NTRK3: variants seen among roughly 807,000 people sequenced by gnomAD.
The protein encoded by NTRK3 is neurotrophic receptor tyrosine kinase 3, also known as NT-3 growth factor receptor.
Under a neutral mutation model 91.7 loss-of-function variants are expected in NTRK3, and 24 were observed. The observed-to-expected ratio is 0.26, with a 90% CI of 0.19 to 0.37. The LOEUF is 0.37. NTRK3 is among the 10% of genes least tolerant of loss of function. The probability of loss-of-function intolerance (pLI) is 1.00; values close to 1 mark genes in which losing one functional copy is unlikely to be tolerated. For synonymous variants in NTRK3, 483 were observed against 404.0 expected, an observed-to-expected ratio of 1.20 and a Z score of -2.34; for missense variants, 880 against 1,068.9, an observed-to-expected ratio of 0.82 and a Z score of 2.46.
intron 3 of NTRK3, among the ~76,000 whole-genome samples, chr15:88,216,693 G>A (rs543078174): frequency 6.6e-6 from 1 of 152,306 alleles, no homozygotes; most frequent in East Asian, 1.9e-4. Flanking sequence ...GGTCAAGATG[G>A]TGATGGTGAC....
chr15:88,162,395 A>T (rs2151440679), intron 5 of NTRK3, among the ~76,000 whole-genome samples: 1 of 152,276 alleles, frequency 6.6e-6, no homozygotes, highest in African/African-American at 2.4e-5. Context: ...GCCAGTAAGG[A>T]CTCACAAAGG....
At chr15:87,925,725 C>A (rs2068250639) in intron 17 of NTRK3, 1 of 182,316 alleles carries the variant, frequency 5.5e-6, no homozygotes, top group South Asian at 2.0e-4. Flanking sequence ...GATTCATGAG[C>A]AGTATTTCCA....
intron 3 of NTRK3, among the ~76,000 whole-genome samples, chr15:88,223,125 AT>A (rs2050379230): frequency 6.6e-6 from 1 of 151,936 alleles, no homozygotes; most frequent in Admixed American, 6.6e-5. Context: ...GGCGGGTGGG[AT>A]TGGGCAGAAG....
At chr15:88,249,910 C>T (rs1339107486) in intron 3 of NTRK3, among the ~76,000 whole-genome samples, 2 of 152,162 alleles carry the variant, frequency 1.3e-5, no homozygotes, top group African/African-American at 2.4e-5. Flanking sequence ...AGTTGCTGAA[C>T]ACTCAGCCGC....
At chr15:87,951,367 T>C (rs1218161850) in intron 14 of NTRK3, among the ~76,000 whole-genome samples, 1 of 152,240 alleles carries the variant, frequency 6.6e-6, no homozygotes, top group African/African-American at 2.4e-5. Flanking sequence ...ACAACCTTGC[T>C]GCCTGACTAG....
chr15:88,027,468 C>T (rs1204895530), intron 14 of NTRK3, among the ~76,000 whole-genome samples: 14 of 152,144 alleles, frequency 9.2e-5, no homozygotes, highest in East Asian at 1.9e-4. Flanking sequence ...CTGCAAGCTC[C>T]GCCTCTCGGG....
At chr15:88,136,032 C>G in exon 9 of NTRK3, 1 of 1,614,228 alleles carries the variant, frequency 6.2e-7, no homozygotes, top group Non-Finnish European at 8.5e-7. Flanking sequence ...TGGTCCAGTT[C>G]AGATTGGTCT....
chr15:88,057,359 G>A (rs940264184), intron 13 of NTRK3, among the ~76,000 whole-genome samples: 2 of 151,310 alleles, frequency 1.3e-5, no homozygotes, highest in East Asian at 2.0e-4. Flanking sequence ...TTAGCCGGGC[G>A]TGGTGGCAGG....
At chr15:88,117,918 T>C (rs1409989601) in intron 13 of NTRK3, among the ~76,000 whole-genome samples, 1 of 152,200 alleles carries the variant, frequency 6.6e-6, no homozygotes, top group Non-Finnish European at 1.5e-5. Flanking sequence ...CAGACACACC[T>C]GCTTGCTGGA....
intron 3 of NTRK3, among the ~76,000 whole-genome samples, chr15:88,239,789 T>C (rs2052145868): frequency 6.6e-6 from 1 of 152,110 alleles, no homozygotes; most frequent in Non-Finnish European, 1.5e-5. Flanking sequence ...AAAAATGTTA[T>C]GCAGAATACC....
At chr15:88,000,480 A>T (rs1168950984) in intron 14 of NTRK3, among the ~76,000 whole-genome samples, 1 of 152,146 alleles carries the variant, frequency 6.6e-6, no homozygotes, top group African/African-American at 2.4e-5. Context: ...CATACACATG[A>T]ATAAACCATA....
At chr15:88,010,485 C>CT (rs1285371659) in intron 14 of NTRK3, among the ~76,000 whole-genome samples, 1 of 151,774 alleles carries the variant, frequency 6.6e-6, no homozygotes, top group Non-Finnish European at 1.5e-5. Flanking sequence ...TTTTTCCAAG[C>CT]TTTTTAGTAA....
At chr15:88,073,494 G>A (rs1394791306) in intron 13 of NTRK3, among the ~76,000 whole-genome samples, 2 of 152,144 alleles carry the variant, frequency 1.3e-5, no homozygotes, top group South Asian at 4.2e-4. Context: ...TCATAAGCAT[G>A]CTCAAGCTGG....
intron 14 of NTRK3, among the ~76,000 whole-genome samples, chr15:88,002,380 C>T (rs1263163863): frequency 2.0e-5 from 3 of 151,902 alleles, no homozygotes; most frequent in Admixed American, 6.6e-5. Flanking sequence ...TGACCCTGCC[C>T]TCAAGGAAAT....
intron 14 of NTRK3, among the ~76,000 whole-genome samples, chr15:87,998,503 C>T (rs2075867395): frequency 6.6e-6 from 1 of 152,224 alleles, no homozygotes; most frequent in Admixed American, 6.5e-5. Flanking sequence ...TCTGGAAGTC[C>T]TGGGAGCTCT....
At position 88,098,966 on chromosome 15, in the gene NTRK3, A is replaced by C. The variant is rs114947722; in HGVS notation, c.1396+27305T>G. ...GTTTTTAATTTGTGGCACCCTCTTA[A>C]ATTTTTTGCCCAAAGCGAAGGGCTC... On this transcript the variant is annotated intron_variant, in intron 13 of 18. Coordinates refer to ENST00000394480, the Ensembl canonical transcript of NTRK3. 6.0e-3 allele frequency: 1,395 copies of C among 232,462 alleles called. 14 individuals are homozygous for C. Among genetic ancestry groups the C allele is most frequent in the African/African-American group, 0.029 (1,300 of 45,422 alleles). 14.4% of individuals were successfully genotyped at this position (232,462 alleles called of 1,614,324 possible). A position where few individuals can be genotyped will look rare whatever the true frequency, so the allele number is the denominator to read the frequency against.
At chr15:87,877,229 C>T (rs369207940) in intron 18 of NTRK3, 109 bp from the exon 20 acceptor site, 34 of 1,158,606 alleles carry the variant, frequency 2.9e-5, no homozygotes, top group African/African-American at 1.2e-4. Flanking sequence ...TATGCAGAGC[C>T]GAGGCTCTCA....
At chr15:88,199,460 G>T (rs905656870) in intron 3 of NTRK3, among the ~76,000 whole-genome samples, 4 of 152,204 alleles carry the variant, frequency 2.6e-5, no homozygotes, top group African/African-American at 9.6e-5. Context: ...CATGGATGCA[G>T]CAGGAGTTCT....
At chr15:88,067,271 G>C (rs1281843068) in intron 13 of NTRK3, among the ~76,000 whole-genome samples, 1 of 152,086 alleles carries the variant, frequency 6.6e-6, no homozygotes, top group African/African-American at 2.4e-5. Flanking sequence ...TATCTGTGAA[G>C]TCTATATATT....
Sources: gnomAD v4.1 joint callset for allele counts (sites outside exome capture counted in the v4.1 genomes callset) on GRCh38, gnomAD v4.1.1 for gene constraint, MANE v1.5 for transcripts, NCBI Gene and HGNC (gene_info 2026-07-23, HGNC 2026-07-21) for gene names.